The following PSME3IP1 variants were observed in gnomAD, a reference collection of about 807,000 sequenced individuals.
The protein encoded by PSME3IP1 is PSME3-interacting protein.
PSME3IP1 carries 13 observed loss-of-function variants against 34.1 expected under a neutral mutation model. The observed-to-expected ratio is 0.38, with a 90% CI of 0.25 to 0.61. PSME3IP1 has a LOEUF of 0.61. PSME3IP1 is among the 20% of genes least tolerant of loss of function. The pLI, the probability that PSME3IP1 is intolerant of heterozygous loss-of-function variation, is 0.60. For missense variants in PSME3IP1, 237 were observed against 301.4 expected (o/e 0.79, Z 1.58); for synonymous variants, 93 against 114.3 (o/e 0.81, Z 1.19).
At chr16:57,158,611 A>G (rs778867965) in intron 6 of PSME3IP1, among the ~76,000 whole-genome samples, 1 of 145,626 alleles carries the variant, frequency 6.9e-6, no homozygotes, top group Non-Finnish European at 1.6e-5. Context: ...ACCAACAAAG[A>G]AAAAAAACCT....
At chr16:57,185,441 A>G in intron 1 of PSME3IP1, 1 of 901,920 alleles carries the variant, frequency 1.1e-6, no homozygotes, top group Non-Finnish European at 1.3e-6. Flanking sequence ...TCTGGGATTC[A>G]ACCATTTCCA....
At chr16:57,167,546 G>C (rs1420744639) in intron 4 of PSME3IP1, among the ~76,000 whole-genome samples, 4 of 152,066 alleles carry the variant, frequency 2.6e-5, no homozygotes, top group East Asian at 1.9e-4. Flanking sequence ...AGATCTTAAG[G>C]AATATAAAGA....
intron 2 of PSME3IP1, 31 bp from the exon 3 acceptor site, chr16:57,172,905 G>A: frequency 7.5e-7 from 1 of 1,329,022 alleles, no homozygotes. Flanking sequence ...GAGAGAGGTG[G>A]ACGGGGAGGA....
In PSME3IP1 at chr16:57,163,999, A is replaced by G; in HGVS notation, c.547+2T>C. ...AAGGAAGTAATGAAGGCTGCCACCC[A>G]CCTTGATTCTTGTCATCTGGCTCAG... On this transcript the variant is annotated splice_donor_variant, in intron 6 of 6. Coordinates refer to ENST00000309137, the MANE Select transcript of PSME3IP1 (RefSeq NM_024946.4). LOFTEE classifies it high-confidence loss of function. 6.2e-7 allele frequency: 1 copy of G among 1,614,014 alleles called. No individual in the cohort carries two copies. The highest frequency in any genetic ancestry group is 2.2e-5 in the East Asian group (1 of 44,882).
At chr16:57,159,129 G>A (rs1363594231) in intron 6 of PSME3IP1, among the ~76,000 whole-genome samples, 3 of 152,190 alleles carry the variant, frequency 2.0e-5, no homozygotes, top group Admixed American at 6.5e-5. Context: ...GTAGAGAACT[G>A]GCCTAACGGA....
intron 6 of PSME3IP1, among the ~76,000 whole-genome samples, chr16:57,158,554 C>T (rs1235176208): frequency 1.3e-5 from 2 of 152,176 alleles, no homozygotes; most frequent in African/African-American, 2.4e-5. Flanking sequence ...CACCACCCCA[C>T]TCCAGCCTGG....
At chr16:57,165,335 A>G (rs2071740906) in intron 5 of PSME3IP1, among the ~76,000 whole-genome samples, 1 of 152,166 alleles carries the variant, frequency 6.6e-6, no homozygotes, top group South Asian at 2.1e-4. Context: ...CTTAGAAGGA[A>G]ATATAAAACT....
chr16:57,174,347 C>G lies in PSME3IP1; in HGVS notation c.-15-478G>C, dbSNP rs8058281. On this transcript the variant is annotated intron_variant, in intron 1 of 6. Transcript: ENST00000309137. ...AATTTATAGGCCATTGATGAAAGCACATGAATACATTTTTCCTGACATATC... is the reference window on the plus strand; with the variant it reads ...AATTTATAGGCCATTGATGAAAGCAGATGAATACATTTTTCCTGACATATC... 7.7e-3 allele frequency: 5,202 copies of G among 676,642 alleles called. 241 individuals are homozygous for G. The African/African-American group carries it at 0.091, about 12-fold the overall frequency. The allele number at this position is 676,642 out of a possible 1,614,324, so 41.9% of individuals were successfully genotyped here. A position where few individuals can be genotyped will look rare whatever the true frequency, so the allele number is the denominator to read the frequency against.
At position 57,185,832 on chromosome 16, in the gene PSME3IP1, C is replaced by A. The variant is rs1237109911; in HGVS notation, c.-27G>T. The A allele has an allele frequency of 3.0e-6, 3 of 985,214 alleles. No individual in the cohort carries two copies. In the African/African-American group the frequency reaches 5.2e-5, roughly 17 times the overall value. The allele number at this position is 985,214 out of a possible 1,614,324, so 61.0% of individuals were successfully genotyped here. A position where few individuals can be genotyped will look rare whatever the true frequency, so the allele number is the denominator to read the frequency against. On this transcript the variant is annotated 5_prime_UTR_variant, in exon 1 of 7. Transcript: ENST00000309137. ...GAGGCCGCACTCACCTACCGGCGCG[C>A]GGGAGGCGAGACGACCTCACCTCGG...
chr16:57,178,738 A>C (rs767505), intron 1 of PSME3IP1: 2 of 984,530 alleles, frequency 2.0e-6, no homozygotes, highest in Non-Finnish European at 2.4e-6. Flanking sequence ...TCATCTTTCA[A>C]AAATAACTGC....
intron 6 of PSME3IP1, among the ~76,000 whole-genome samples, chr16:57,163,114 G>A (rs1443440890): frequency 1.3e-5 from 2 of 152,044 alleles, no homozygotes; most frequent in Non-Finnish European, 2.9e-5. Flanking sequence ...GCAGTGAGCT[G>A]AGATTGAGCC....
Position 57,154,601 on chromosome 16 carries a change from C to T in PSME3IP1, c.548-94G>A, listed in dbSNP as rs1336292919. On this transcript the variant is annotated intron_variant, in intron 6 of 6. Coordinates refer to ENST00000309137, the MANE Select transcript of PSME3IP1 (RefSeq NM_024946.4). The surrounding 1 kb of genome is among the most constrained non-coding windows in gnomAD (Gnocchi z 4.0). ...GCCAGGCACTGTACCAAGGGATTTTCCCACAGAGGAGCCTTAGAACAATGC... is the reference window on the plus strand; with the variant it reads ...GCCAGGCACTGTACCAAGGGATTTTTCCACAGAGGAGCCTTAGAACAATGC... 1 of 1,061,572 alleles carries T rather than the reference C, an allele frequency of 9.4e-7. No homozygotes were observed. The highest frequency in any genetic ancestry group is 2.6e-5 in the East Asian group (1 of 38,242). 65.8% of individuals were successfully genotyped at this position (1,061,572 alleles called of 1,614,324 possible).
intron 6 of PSME3IP1, among the ~76,000 whole-genome samples, chr16:57,159,632 T>A (rs2070987708): frequency 6.6e-6 from 1 of 152,144 alleles, no homozygotes. Flanking sequence ...GGAGCCTTAA[T>A]TCCTAGCAAA....
Position 57,154,238 on chromosome 16 carries a change from G to T in PSME3IP1, c.*52C>A, listed in dbSNP as rs2070231999. The stretch of plus-strand genomic sequence containing the variant: ...GGGACATAATGCCTATAGGCAGCAT[G>T]AACGGTCCGATCTACCCTTGGGGAG... On this transcript the variant is annotated 3_prime_UTR_variant, in exon 7 of 7. Transcript: ENST00000309137. This position sits in a 1 kb window ranked among gnomAD's most constrained non-coding sequence, Gnocchi z 4.0. 1 of 1,533,446 alleles carries T rather than the reference G, an allele frequency of 6.5e-7. No individual in the cohort carries two copies. The highest frequency in any genetic ancestry group is 1.1e-5 in the South Asian group (1 of 88,744). 95.0% of individuals were successfully genotyped at this position (1,533,446 alleles called of 1,614,324 possible). A position where few individuals can be genotyped will look rare whatever the true frequency, so the allele number is the denominator to read the frequency against.
chr16:57,179,776 T>C (rs1443050073), intron 1 of PSME3IP1, among the ~76,000 whole-genome samples: 11 of 152,220 alleles, frequency 7.2e-5, no homozygotes, highest in African/African-American at 1.9e-4. Flanking sequence ...GCAAAAGCAA[T>C]AGGTCAATCC....
In PSME3IP1 at chr16:57,169,914, C is replaced by T. The variant is rs571903083; in HGVS notation, c.348+2337G>A. ...GAGTTCAGAATAATCAGCCTCAATCCTACAGTTGAGATTGAGGTATAACTT... is the reference window on the plus strand; with the variant it reads ...GAGTTCAGAATAATCAGCCTCAATCTTACAGTTGAGATTGAGGTATAACTT... On this transcript the variant is annotated intron_variant, in intron 4 of 6. Transcript: ENST00000309137. 2.0e-5 allele frequency among the ~76,000 whole-genome samples: 3 copies of T among 152,074 alleles called. No individual in the cohort carries two copies. In the East Asian group the frequency reaches 5.8e-4, roughly 29 times the overall value.
In PSME3IP1 at chr16:57,154,292, AG is replaced by A. The variant is rs1239524951; in HGVS notation, c.762del (p.Ter255SerfsTer14). The A allele has an allele frequency of 6.2e-7, 1 of 1,613,200 alleles. No homozygotes were observed. The highest frequency in any genetic ancestry group is 1.3e-5 in the African/African-American group (1 of 74,834). On this transcript the variant is annotated frameshift_variant, in exon 7 of 7. Coordinates refer to ENST00000309137, the MANE Select transcript of PSME3IP1 (RefSeq NM_024946.4). LOFTEE classifies it high-confidence loss of function. This position sits in a 1 kb window ranked among gnomAD's most constrained non-coding sequence, Gnocchi z 4.0. ...IFRTNTFLEAP is the reference protein window; with the variant it reads ...IFRTNTFLEAX ...CTCCCTGTGTAGGGACGGAGAAACT[AG>A]GGGGCCTCGAGGAAGGTGTTGGTTC... is the stretch of plus-strand genomic sequence containing the variant.
intron 6 of PSME3IP1, among the ~76,000 whole-genome samples, chr16:57,156,886 C>T (rs749436975): frequency 1.2e-4 from 19 of 152,128 alleles, no homozygotes; most frequent in African/African-American, 3.9e-4. Context: ...CAAAGTTCTT[C>T]GAACTTAAAT....
chr16:57,184,253 AAG>A (rs1283751129), intron 1 of PSME3IP1, among the ~76,000 whole-genome samples: 32 of 152,112 alleles, frequency 2.1e-4, no homozygotes, highest in Non-Finnish European at 8.8e-5. Context: ...TAAAAAAAAA[AAG>A]AGAAACAATG....
Sources: allele counts gnomAD v4.1 joint callset (sites outside exome capture counted in the v4.1 genomes callset), GRCh38; gene constraint gnomAD v4.1.1; non-coding constraint Gnocchi (gnomAD v3.1); transcripts MANE v1.5; gene names NCBI Gene and HGNC (gene_info 2026-07-23, HGNC 2026-07-21).